FOXJ3: variants seen among roughly 807,000 people sequenced by gnomAD.
The protein encoded by FOXJ3 is forkhead box J3, also known as forkhead box protein J3.
FOXJ3 carries 22 observed loss-of-function variants against 76.1 expected under a neutral mutation model. The observed-to-expected ratio is 0.29, with a 90% CI of 0.21 to 0.41. FOXJ3 has a LOEUF of 0.41. Among genes scored for constraint, FOXJ3 ranks in the 10% least tolerant of loss-of-function variants. The probability of loss-of-function intolerance (pLI) is 1.00; values close to 1 mark genes in which losing one functional copy is unlikely to be tolerated. For missense variants in FOXJ3, 613 were observed against 762.1 expected, an observed-to-expected ratio of 0.80 and a Z score of 2.30; for synonymous variants, 269 against 261.2, an observed-to-expected ratio of 1.03 and a Z score of -0.29.
intron 4 of FOXJ3, among the ~76,000 whole-genome samples, chr1:42,257,882 T>C (rs1236719621): frequency 6.6e-6 from 1 of 152,250 alleles, no homozygotes; most frequent in Non-Finnish European, 1.5e-5. Context: ...CAAAACTTTA[T>C]TTCTAGCTAA....
intron 1 of FOXJ3, among the ~76,000 whole-genome samples, chr1:42,316,333 CTTTT>C (rs71065173): frequency 5.4e-5 from 4 of 73,912 alleles, no homozygotes; most frequent in South Asian, 9.6e-4. Flanking sequence ...TGCATTGGGC[CTTTT>C]TTTTTTTTTT....
chr1:42,262,522 T>G (rs1273795531), intron 4 of FOXJ3, among the ~76,000 whole-genome samples: 1 of 152,220 alleles, frequency 6.6e-6, no homozygotes, highest in Non-Finnish European at 1.5e-5. Context: ...TACATCTATG[T>G]CTGACCAAAA....
chr1:42,310,380 G>C (rs755982317), intron 2 of FOXJ3, among the ~76,000 whole-genome samples: 1 of 151,530 alleles, frequency 6.6e-6, no homozygotes, highest in Non-Finnish European at 1.5e-5. Context: ...TCTTGACCTC[G>C]TGATCCGCCC....
chr1:42,235,187 T>A (rs961893986), intron 4 of FOXJ3, among the ~76,000 whole-genome samples: 2 of 151,036 alleles, frequency 1.3e-5, no homozygotes, highest in Admixed American at 6.6e-5. Context: ...TCCGTGGGCG[T>A]AGGACCCTCC....
At chr1:42,230,755 A>G (rs2124471083) in intron 4 of FOXJ3, among the ~76,000 whole-genome samples, 1 of 150,394 alleles carries the variant, frequency 6.6e-6, no homozygotes, top group Admixed American at 6.8e-5. Context: ...CACTACTGAT[A>G]GAAATGTGTG....
intron 1 of FOXJ3, among the ~76,000 whole-genome samples, chr1:42,327,934 C>T (rs1274427671): frequency 6.6e-6 from 1 of 152,130 alleles, no homozygotes; most frequent in Admixed American, 6.5e-5. Flanking sequence ...CTATGGAATC[C>T]ACAGACTCTA....
chr1:42,206,324 C>G (rs777685859), intron 5 of FOXJ3, among the ~76,000 whole-genome samples: 2 of 152,182 alleles, frequency 1.3e-5, no homozygotes, highest in African/African-American at 4.8e-5. Context: ...TGGGTCATGT[C>G]TTTGAAAGAA....
chr1:42,325,931 C>T (rs1655802915), intron 1 of FOXJ3, among the ~76,000 whole-genome samples: 2 of 152,170 alleles, frequency 1.3e-5, no homozygotes, highest in South Asian at 4.1e-4. Flanking sequence ...AGCAAAACAA[C>T]TTCATAGCAT....
At chr1:42,231,715 G>A (rs1016935544) in intron 4 of FOXJ3, among the ~76,000 whole-genome samples, 6 of 152,036 alleles carry the variant, frequency 3.9e-5, no homozygotes, top group Non-Finnish European at 7.4e-5. Flanking sequence ...CGACCATGGC[G>A]TAATGCAGCC....
At chr1:42,309,007 A>AAAAAAAAC (rs1654639183) in intron 2 of FOXJ3, among the ~76,000 whole-genome samples, 2 of 151,676 alleles carry the variant, frequency 1.3e-5, no homozygotes, top group East Asian at 3.9e-4. Flanking sequence ...TTTACAAAAA[A>AAAAAAAAC]AAAAAAAAAA....
intron 4 of FOXJ3, among the ~76,000 whole-genome samples, chr1:42,264,623 AAAAAGGGAGGAGTCACCATAG>A (rs1298130661): frequency 2.6e-5 from 4 of 152,116 alleles, no homozygotes; most frequent in African/African-American, 9.7e-5. Flanking sequence ...AAAACAACAA[AAAAAGGGAGGAGTCACCATAG>A]AAAAAACGCT....
chr1:42,314,101 A>G (rs1351811257), intron 1 of FOXJ3, among the ~76,000 whole-genome samples: 1 of 152,172 alleles, frequency 6.6e-6, no homozygotes, highest in Non-Finnish European at 1.5e-5. Flanking sequence ...TCTTTGTTAG[A>G]GCAGACTAAT....
chr1:42,249,263 G>C (rs1649821952), intron 4 of FOXJ3, among the ~76,000 whole-genome samples: 1 of 152,124 alleles, frequency 6.6e-6, no homozygotes, highest in Non-Finnish European at 1.5e-5. Context: ...AAAAGAAATA[G>C]ACGTAAATGA....
chr1:42,306,431 T>A (rs1654478813), intron 2 of FOXJ3, among the ~76,000 whole-genome samples: 1 of 150,720 alleles, frequency 6.6e-6, no homozygotes, highest in Admixed American at 6.7e-5. Flanking sequence ...GCCTCCCGAG[T>A]AGCTGGGACT....
intron 3 of FOXJ3, among the ~76,000 whole-genome samples, chr1:42,274,089 T>C (rs1025645122): frequency 2.6e-5 from 4 of 152,182 alleles, no homozygotes; most frequent in Admixed American, 1.3e-4. Flanking sequence ...TACTCAAATT[T>C]TAGCCATTTC....
At chr1:42,279,473 A>G (rs1422818573) in intron 2 of FOXJ3, among the ~76,000 whole-genome samples, 1 of 152,242 alleles carries the variant, frequency 6.6e-6, no homozygotes, top group Non-Finnish European at 1.5e-5. Context: ...ATTAAAAACT[A>G]AAAGACAGGT....
chr1:42,298,945 T>G (rs1022700553), intron 2 of FOXJ3, among the ~76,000 whole-genome samples: 2 of 152,214 alleles, frequency 1.3e-5, no homozygotes, highest in Admixed American at 1.3e-4. Context: ...TCTACTTGAA[T>G]AGTTTTAAGA....
intron 1 of FOXJ3, among the ~76,000 whole-genome samples, chr1:42,319,687 T>C (rs1655324688): frequency 6.6e-6 from 1 of 152,080 alleles, no homozygotes; most frequent in African/African-American, 2.4e-5. Context: ...AACAAAGCAG[T>C]TAGGAAAAAA....
At chr1:42,323,811 T>C (rs1655572498) in intron 1 of FOXJ3, 3 of 405,346 alleles carry the variant, frequency 7.4e-6, no homozygotes, top group South Asian at 1.0e-4. Flanking sequence ...AGGTCTCTAC[T>C]GTTCCACAGG....
Sources: gnomAD v4.1 joint callset for allele counts (sites outside exome capture counted in the v4.1 genomes callset) on GRCh38, gnomAD v4.1.1 for gene constraint, MANE v1.5 for transcripts, NCBI Gene and HGNC (gene_info 2026-07-23, HGNC 2026-07-21) for gene names.